Variants in SRGAP3 observed in about 807,000 individuals in gnomAD.
SRGAP3 encodes the protein SLIT-ROBO Rho GTPase-activating protein 3.
SRGAP3 carries 39 observed loss-of-function variants against 121.1 expected under a neutral mutation model. That is an observed-to-expected ratio of 0.32 (90% CI 0.25 to 0.42). The LOEUF (loss-of-function observed/expected upper bound fraction) is 0.42. Ranked by LOEUF, SRGAP3 falls within the 10% of genes least tolerant of loss-of-function variation. The pLI, the probability that SRGAP3 is intolerant of heterozygous loss-of-function variation, is 1.00. For synonymous variants in SRGAP3, 601 were observed against 570.0 expected (o/e 1.05, Z -0.77); for missense variants, 1,213 against 1,470.6 (o/e 0.82, Z 2.86).
At chr3:9,201,185 G>A (rs1029790519) in intron 1 of SRGAP3, among the ~76,000 whole-genome samples, 1 of 152,116 alleles carries the variant, frequency 6.6e-6, no homozygotes, top group Non-Finnish European at 1.5e-5. Flanking sequence ...GGACGGTGAC[G>A]GAAGCCAACC....
intron 10 of SRGAP3, among the ~76,000 whole-genome samples, chr3:9,046,424 A>C (rs1428976823): frequency 2.0e-5 from 3 of 152,232 alleles, no homozygotes; most frequent in Admixed American, 1.3e-4. Flanking sequence ...TGAAGGGCAG[A>C]AATTTGCTCA....
chr3:9,249,369 T>C lies in SRGAP3; in HGVS notation c.-418A>G, dbSNP rs916444811. On this transcript the variant is annotated 5_prime_UTR_variant, in exon 1 of 22. The change abolishes an upstream ATG in the 5' untranslated region. Coordinates refer to ENST00000383836, the MANE Select transcript of SRGAP3 (RefSeq NM_014850.4). ...CACAGTTGTGCTGTGCACACAGGCA[T>C]ACACACACACACCCTCACACGCACA... The C allele has an allele frequency of 2.8e-6, 1 of 361,996 alleles. No homozygotes were observed. The highest frequency in any genetic ancestry group is 5.1e-6 in the Non-Finnish European group (1 of 194,334). 22.4% of individuals were successfully genotyped at this position (361,996 alleles called of 1,614,324 possible).
chr3:9,054,108 T>C (rs996434998), intron 8 of SRGAP3, among the ~76,000 whole-genome samples: 1 of 152,236 alleles, frequency 6.6e-6, no homozygotes, highest in African/African-American at 2.4e-5. Context: ...GGCTTCTTTT[T>C]GTGTTTCATA....
chr3:9,352,699 G>A (rs2030256805), intron 1 of SRGAP3, among the ~76,000 whole-genome samples: 1 of 152,166 alleles, frequency 6.6e-6, no homozygotes, highest in African/African-American at 2.4e-5. Flanking sequence ...TAAGAGCTCT[G>A]CAGCTGGGGT....
At chr3:9,210,020 A>G (rs1453172881) in intron 1 of SRGAP3, among the ~76,000 whole-genome samples, 1 of 151,762 alleles carries the variant, frequency 6.6e-6, no homozygotes, top group African/African-American at 2.4e-5. Context: ...AAAAAACATT[A>G]TGCTTATTAA....
intron 1 of SRGAP3, among the ~76,000 whole-genome samples, chr3:9,150,774 A>G (rs1479203856): frequency 6.6e-6 from 1 of 152,242 alleles, no homozygotes; most frequent in Admixed American, 6.5e-5. Flanking sequence ...GAACATCTCA[A>G]CGGAGGCTGT....
intron 3 of SRGAP3, among the ~76,000 whole-genome samples, chr3:9,285,268 A>G (rs1954748330): frequency 6.6e-6 from 1 of 152,206 alleles, no homozygotes; most frequent in South Asian, 2.1e-4. Context: ...CAGGCTGTGT[A>G]GCGAAGAGAT....
intron 1 of SRGAP3, among the ~76,000 whole-genome samples, chr3:9,187,842 G>A (rs935126624): frequency 2.6e-5 from 4 of 152,180 alleles, no homozygotes; most frequent in Admixed American, 6.5e-5. Context: ...CGTCAGAGAC[G>A]CCCTCAGAAC....
intron 2 of SRGAP3, among the ~76,000 whole-genome samples, chr3:9,120,443 G>A (rs1425723680): frequency 2.6e-5 from 4 of 152,182 alleles, no homozygotes; most frequent in African/African-American, 7.2e-5. Context: ...AGCAGAAATC[G>A]CACCTCATTT....
intron 6 of SRGAP3, 200 bp from the exon 7 acceptor site, chr3:9,058,672 T>C (rs1482777748): frequency 1.4e-5 from 8 of 575,662 alleles, no homozygotes; most frequent in Non-Finnish European, 2.2e-5. Flanking sequence ...ATTTGGGCAA[T>C]AGCAGAACTA....
At chr3:9,320,577 C>T (rs1955423395) in intron 3 of SRGAP3, among the ~76,000 whole-genome samples, 1 of 151,958 alleles carries the variant, frequency 6.6e-6, no homozygotes, top group African/African-American at 2.4e-5. Context: ...CTGAGGTCTC[C>T]TCAGCAGCAG....
intron 3 of SRGAP3, among the ~76,000 whole-genome samples, chr3:9,254,935 A>AAAG (rs1954096961): frequency 1.3e-5 from 2 of 150,320 alleles, no homozygotes; most frequent in Non-Finnish European, 3.0e-5. Context: ...GAGAGAAAGA[A>AAAG]AAAGAAAGAA....
rs140373379 is a variant in SRGAP3, at chr3:9,096,746, C to A, written c.423+7934G>T. 4.9e-3 allele frequency among the ~76,000 whole-genome samples: 741 copies of A among 151,360 alleles called. 6 individuals carry two copies. The highest frequency in any genetic ancestry group is 0.01 in the Middle Eastern group (3 of 294). On this transcript the variant is annotated intron_variant, in intron 3 of 21. Transcript: ENST00000383836. ...AACTAATCAGTGAGTGGTTCCTGAG[C>A]ATATTTTCTTATTTCTGATCCTTTG...
chr3:9,028,132 T>C, intron 12 of SRGAP3: 2 of 1,614,120 alleles, frequency 1.2e-6, no homozygotes, highest in Non-Finnish European at 1.7e-6. Context: ...CTTCTTCCTC[T>C]GATAACAAAA....
chr3:9,017,361 T>C (rs1460292820), intron 14 of SRGAP3, among the ~76,000 whole-genome samples: 1 of 152,228 alleles, frequency 6.6e-6, no homozygotes, highest in African/African-American at 2.4e-5. Flanking sequence ...TTAGTAATAA[T>C]TACATTCATC....
intron 1 of SRGAP3, among the ~76,000 whole-genome samples, chr3:9,178,713 G>T (rs1951272523): frequency 6.6e-6 from 1 of 152,104 alleles, no homozygotes; most frequent in Admixed American, 6.6e-5. Context: ...TGCCTCCCAT[G>T]GCCTGGATCC....
chr3:9,013,923 TATCA>T, intron 15 of SRGAP3, 81 bp from the exon 16 acceptor site: 1 of 1,330,910 alleles, frequency 7.5e-7, no homozygotes, highest in Non-Finnish European at 1.1e-6. Flanking sequence ...ACATCTCCTA[TATCA>T]ACCCACGTGG....
At chr3:9,033,162 T>C (rs888951248) in intron 11 of SRGAP3, among the ~76,000 whole-genome samples, 14 of 152,314 alleles carry the variant, frequency 9.2e-5, no homozygotes, top group Non-Finnish European at 1.8e-4. Context: ...ATTTTCATTA[T>C]TTTGGTTTAA....
chr3:9,195,070 C>T (rs1347373385), intron 1 of SRGAP3, among the ~76,000 whole-genome samples: 1 of 152,248 alleles, frequency 6.6e-6, no homozygotes, highest in African/African-American at 2.4e-5. Context: ...ATATTCCCAC[C>T]ATGGCCGACT....
Sources: gnomAD v4.1 joint callset for allele counts (sites outside exome capture counted in the v4.1 genomes callset) on GRCh38, gnomAD v4.1.1 for gene constraint, MANE v1.5 for transcripts, NCBI Gene and HGNC (gene_info 2026-07-23, HGNC 2026-07-21) for gene names.